KSR2: variants seen among roughly 807,000 people sequenced by gnomAD.
KSR2 encodes the protein kinase suppressor of ras 2.
In KSR2, 25 loss-of-function variants were observed where a neutral mutation model predicts 107.8. That is an observed-to-expected ratio of 0.23 (90% CI 0.17 to 0.32). The LOEUF (loss-of-function observed/expected upper bound fraction) is 0.32. KSR2 is among the 10% of genes least tolerant of loss of function. KSR2 has a pLI of 1.00. For missense variants in KSR2, 887 were observed against 1,268.9 expected, an observed-to-expected ratio of 0.70 and a Z score of 4.57; for synonymous variants, 480 against 507.0, an observed-to-expected ratio of 0.95 and a Z score of 0.71.
intron 3 of KSR2, among the ~76,000 whole-genome samples, chr12:117,772,017 C>G (rs1283529946): frequency 6.8e-6 from 1 of 147,768 alleles, no homozygotes; most frequent in African/African-American, 2.5e-5. Context: ...AACACACACT[C>G]ACACATACAC....
At chr12:117,837,750 C>T (rs569658987) in intron 3 of KSR2, among the ~76,000 whole-genome samples, 1 of 152,238 alleles carries the variant, frequency 6.6e-6, no homozygotes, top group South Asian at 2.1e-4. Context: ...AGGAAAGAAA[C>T]AAAGGCGCTA....
chr12:117,762,634 A>T (rs1344469672), intron 3 of KSR2, among the ~76,000 whole-genome samples: 2 of 152,160 alleles, frequency 1.3e-5, no homozygotes, highest in Non-Finnish European at 2.9e-5. Context: ...GGAGGCCGAG[A>T]TGGGCAGATT....
chr12:117,489,382 A>C (rs1053564213), intron 14 of KSR2, among the ~76,000 whole-genome samples: 2 of 152,050 alleles, frequency 1.3e-5, no homozygotes, highest in Non-Finnish European at 2.9e-5. Context: ...AATTCTACAA[A>C]GGATACACAA....
chr12:117,967,112 G>C (rs951668375), intron 1 of KSR2, among the ~76,000 whole-genome samples: 5 of 152,264 alleles, frequency 3.3e-5, no homozygotes, highest in South Asian at 2.1e-4. Context: ...TGGACACCAG[G>C]CATTTGGCAT....
At chr12:117,892,993 G>A (rs1330348374) in intron 1 of KSR2, among the ~76,000 whole-genome samples, 2 of 151,682 alleles carry the variant, frequency 1.3e-5, no homozygotes, top group Non-Finnish European at 2.9e-5. Flanking sequence ...AATGAAGGGG[G>A]AAACTGGGAT....
At chr12:117,894,734 C>T (rs1894455446) in intron 1 of KSR2, among the ~76,000 whole-genome samples, 1 of 113,600 alleles carries the variant, frequency 8.8e-6, no homozygotes, top group Admixed American at 1.0e-4. Flanking sequence ...TCCCCATCTC[C>T]CTCTCCCCCT....
At chr12:117,778,930 C>A (rs1019083255) in intron 3 of KSR2, among the ~76,000 whole-genome samples, 1 of 152,182 alleles carries the variant, frequency 6.6e-6, no homozygotes, top group Non-Finnish European at 1.5e-5. Context: ...CATTCGATGA[C>A]CTTATGTGCT....
Position 117,464,781 on chromosome 12 carries a change from G to C in KSR2, c.*2418C>G, listed in dbSNP as rs1167658043. On this transcript the variant is annotated 3_prime_UTR_variant, in exon 20 of 20. Coordinates refer to ENST00000339824, the MANE Select transcript of KSR2 (RefSeq NM_173598.6). ...TCAAGAGCAAGTGACTCAGATTCAG[G>C]GATGGACCCAAGGCACCCTGTTCCA... The C allele has an allele frequency of 6.6e-6, 1 of 152,246 alleles. No individual in the cohort carries two copies. Among genetic ancestry groups the C allele is most frequent in the Admixed American group, 6.5e-5 (1 of 15,274 alleles). 9.4% of individuals were successfully genotyped at this position (152,246 alleles called of 1,614,324 possible). A position where few individuals can be genotyped will look rare whatever the true frequency, so the allele number is the denominator to read the frequency against.
chr12:117,869,409 A>G (rs1893581091), intron 1 of KSR2, among the ~76,000 whole-genome samples: 1 of 152,150 alleles, frequency 6.6e-6, no homozygotes, highest in African/African-American at 2.4e-5. Flanking sequence ...CATTTCAGAT[A>G]AGGCCAGAGC....
intron 5 of KSR2, among the ~76,000 whole-genome samples, chr12:117,645,882 T>C (rs1322316918): frequency 2.1e-3 from 318 of 149,090 alleles, no homozygotes; most frequent in African/African-American, 7.5e-3. Context: ...TGTGTGTGTG[T>C]GTGTGTGTGT....
chr12:117,582,223 G>A (rs1879706448), intron 6 of KSR2, 67 bp downstream of exon 6: 2 of 1,383,958 alleles, frequency 1.4e-6, no homozygotes, highest in Admixed American at 1.7e-5. Flanking sequence ...CCCAGGGCAG[G>A]GGCCAGAGCC....
chr12:117,878,924 T>C (rs1409259564), intron 1 of KSR2, among the ~76,000 whole-genome samples: 2 of 151,966 alleles, frequency 1.3e-5, no homozygotes, highest in African/African-American at 2.4e-5. Context: ...ATCAACATAG[T>C]GAACAAACAA....
chr12:117,794,221 ACACACCAACATGCACACT>A (rs1345973594), intron 3 of KSR2, among the ~76,000 whole-genome samples: 3 of 99,324 alleles, frequency 3.0e-5, no homozygotes, highest in Admixed American at 1.0e-4. Context: ...CAACATGCAC[ACACACCAACATGCACACT>A]CACACCAACA....
chr12:117,834,433 G>A (rs1218346737), intron 3 of KSR2, among the ~76,000 whole-genome samples: 1 of 115,484 alleles, frequency 8.7e-6, no homozygotes, highest in Non-Finnish European at 1.7e-5. Flanking sequence ...AAAAGATACT[G>A]GGGGTGGGGG....
chr12:117,691,991 C>T (rs1228147832), intron 4 of KSR2, among the ~76,000 whole-genome samples: 1 of 152,152 alleles, frequency 6.6e-6, no homozygotes, highest in Non-Finnish European at 1.5e-5. Flanking sequence ...CCATCCAGAC[C>T]TGGCTGGCAA....
chr12:117,570,724 G>A lies in KSR2; in HGVS notation c.1325+8395C>T, dbSNP rs17585130. Among the ~76,000 whole-genome samples, 156 of 152,226 alleles carry A rather than the reference G, an allele frequency of 1.0e-3. 1 individual carries two copies. The East Asian group carries it at 0.023, about 22-fold the overall frequency. Reference sequence around the variant, plus strand: ...AAAGAATTCTCAAGTCATTATTATCGGGGCATGAACATATCTCATCACATG... The same window carrying A: ...AAAGAATTCTCAAGTCATTATTATCAGGGCATGAACATATCTCATCACATG... On this transcript the variant is annotated intron_variant, in intron 7 of 19. Transcript: ENST00000339824.
chr12:117,690,852 C>A (rs1409797746), intron 4 of KSR2, among the ~76,000 whole-genome samples: 1 of 152,146 alleles, frequency 6.6e-6, no homozygotes, highest in Non-Finnish European at 1.5e-5. Flanking sequence ...GCTGAGAAAA[C>A]CTTTTGCTCT....
intron 3 of KSR2, among the ~76,000 whole-genome samples, chr12:117,781,233 G>A (rs1889875044): frequency 6.6e-6 from 1 of 152,202 alleles, no homozygotes; most frequent in African/African-American, 2.4e-5. Flanking sequence ...CAGTCATGTG[G>A]AATTGTGAGT....
At chr12:117,707,198 C>T (rs11068635) in intron 4 of KSR2, among the ~76,000 whole-genome samples, 20,643 of 152,028 alleles carry the variant, frequency 0.14, 1,564 homozygotes, top group East Asian at 0.27. Flanking sequence ...ACAGAGACAG[C>T]AGATTAGAGA....
Sources: allele counts gnomAD v4.1 joint callset (sites outside exome capture counted in the v4.1 genomes callset), GRCh38; gene constraint gnomAD v4.1.1; transcripts MANE v1.5; gene names NCBI Gene and HGNC (gene_info 2026-07-23, HGNC 2026-07-21).